Variants in TRPS1 observed in about 807,000 individuals in gnomAD.
TRPS1 encodes transcriptional repressor GATA binding 1.
Under a neutral mutation model 101.2 loss-of-function variants are expected in TRPS1, and 6 were observed. That is an observed-to-expected ratio of 0.06 (90% CI 0.03 to 0.12). The LOEUF (loss-of-function observed/expected upper bound fraction) is 0.12, where lower values mean the gene tolerates loss of function less well. Ranked by LOEUF, TRPS1 falls within the 10% of genes least tolerant of loss-of-function variation. The pLI, the probability that TRPS1 is intolerant of heterozygous loss-of-function variation, is 1.00. For missense variants in TRPS1, 1,363 were observed against 1,567.0 expected, an observed-to-expected ratio of 0.87 and a Z score of 2.20; for synonymous variants, 578 against 589.8, an observed-to-expected ratio of 0.98 and a Z score of 0.29.
At chr8:115,652,420 C>T (rs1478163826) in intron 1 of TRPS1, among the ~76,000 whole-genome samples, 1 of 152,176 alleles carries the variant, frequency 6.6e-6, no homozygotes, top group East Asian at 1.9e-4. Context: ...TGAAACAGAA[C>T]AAACTCCGTA....
chr8:115,467,506 T>C (rs1018112643), intron 5 of TRPS1, among the ~76,000 whole-genome samples: 3 of 152,182 alleles, frequency 2.0e-5, no homozygotes, highest in Non-Finnish European at 4.4e-5. Context: ...TGAACTTTTC[T>C]GTGATTTGAA....
chr8:115,418,440 AGCCTCTAC>A lies in TRPS1; in HGVS notation c.2705_2712del (p.Arg902LeufsTer46). 6.2e-7 allele frequency: 1 copy of A among 1,614,156 alleles called. No homozygotes were observed. The highest frequency in any genetic ancestry group is 8.5e-7 in the Non-Finnish European group (1 of 1,180,004). The stretch of plus-strand genomic sequence containing the variant: ...AGGCAATTGGCACAAAAAACACCGG[AGCCTCTAC>A]GCCTCTGAAACAGGGGAAAAAAACC... On this transcript the variant is annotated frameshift_variant, in exon 6 of 7. Coordinates refer to ENST00000395715, the MANE Select transcript of TRPS1 (RefSeq NM_014112.5). LOFTEE classifies it high-confidence loss of function. This position sits in a 1 kb window ranked among gnomAD's most constrained non-coding sequence, Gnocchi z 4.3.
At chr8:115,533,434 C>CTGTTTTT (rs1393313977) in intron 5 of TRPS1, among the ~76,000 whole-genome samples, 61 of 32,326 alleles carry the variant, frequency 1.9e-3, no homozygotes, top group African/African-American at 6.4e-3. Context: ...CACATGTAAT[C>CTGTTTTT]TGTTTTTTTT....
At position 115,408,507 on chromosome 8, in the gene TRPS1, T is replaced by C. The variant is rs1440656136; in HGVS notation, c.*5516A>G. The C allele has an allele frequency of 6.8e-6, 1 of 145,988 alleles. No homozygotes were observed. Among genetic ancestry groups the C allele is most frequent in the East Asian group, 2.1e-4 (1 of 4,706 alleles). 9.0% of individuals were successfully genotyped at this position (145,988 alleles called of 1,614,324 possible). A position where few individuals can be genotyped will look rare whatever the true frequency, so the allele number is the denominator to read the frequency against. ...TACCAACGCCGTTATGTGTAACTGG[T>C]GGTAAAACTTTATTATTCAAGTTTA... On this transcript the variant is annotated 3_prime_UTR_variant, in exon 7 of 7. Coordinates refer to ENST00000395715, the MANE Select transcript of TRPS1 (RefSeq NM_014112.5).
chr8:115,438,325 A>T (rs1216103631), intron 5 of TRPS1, among the ~76,000 whole-genome samples: 1 of 152,236 alleles, frequency 6.6e-6, no homozygotes, highest in Non-Finnish European at 1.5e-5. Context: ...AACTAGGCAC[A>T]CAATGGTAAA....
intron 4 of TRPS1, among the ~76,000 whole-genome samples, chr8:115,598,174 T>C (rs898403436): frequency 1.3e-5 from 2 of 152,346 alleles, no homozygotes; most frequent in African/African-American, 4.8e-5. Context: ...CTCTATAGTT[T>C]TGGAAGTTAT....
intron 5 of TRPS1, among the ~76,000 whole-genome samples, chr8:115,521,590 CTAA>C (rs1168295869): frequency 6.6e-6 from 1 of 151,760 alleles, no homozygotes; most frequent in African/African-American, 2.4e-5. Context: ...AATAATATCT[CTAA>C]TAATGAGTTC....
chr8:115,568,716 T>C (rs1018977557), intron 5 of TRPS1, among the ~76,000 whole-genome samples: 28 of 152,224 alleles, frequency 1.8e-4, no homozygotes, highest in African/African-American at 6.0e-4. Flanking sequence ...TAAACTTATA[T>C]AGAAATTTAA....
rs1243850537 is a variant in TRPS1, at chr8:115,586,287, G to A, written c.2700+714C>T. Among the ~76,000 whole-genome samples the A allele has an allele frequency of 5.3e-5, 8 of 152,282 alleles. No homozygotes were observed. In the East Asian group the frequency reaches 1.5e-3, roughly 29 times the overall value. On this transcript the variant is annotated intron_variant, in intron 5 of 6. Transcript: ENST00000395715. Reference sequence around the variant, plus strand: ...CTAAAATACTTTTTAACAATGCTGAGTCTACATAGTATGAAGAGAGCAATC... The same window carrying A: ...CTAAAATACTTTTTAACAATGCTGAATCTACATAGTATGAAGAGAGCAATC...
At chr8:115,468,168 A>T (rs1814374260) in intron 5 of TRPS1, among the ~76,000 whole-genome samples, 1 of 152,156 alleles carries the variant, frequency 6.6e-6, no homozygotes, top group Non-Finnish European at 1.5e-5. Flanking sequence ...TTTAATTCAT[A>T]TTTTTAAATA....
chr8:115,640,272 T>C (rs998956909), intron 1 of TRPS1, among the ~76,000 whole-genome samples: 4 of 152,176 alleles, frequency 2.6e-5, no homozygotes, highest in Non-Finnish European at 4.4e-5. Flanking sequence ...TCCATCTATA[T>C]GTTAATTGGT....
At chr8:115,434,526 C>T (rs1442526088) in intron 5 of TRPS1, among the ~76,000 whole-genome samples, 3 of 152,098 alleles carry the variant, frequency 2.0e-5, no homozygotes, top group Non-Finnish European at 2.9e-5. Flanking sequence ...ACTTAAGGTT[C>T]ATAAAATTGA....
At chr8:115,521,987 CAAT>C (rs1324230452) in intron 5 of TRPS1, among the ~76,000 whole-genome samples, 5 of 151,864 alleles carry the variant, frequency 3.3e-5, no homozygotes, top group African/African-American at 7.2e-5. Context: ...CTGCTAACAA[CAAT>C]GTCGAGCACT....
At chr8:115,453,172 C>A (rs528735194) in intron 5 of TRPS1, among the ~76,000 whole-genome samples, 1 of 152,186 alleles carries the variant, frequency 6.6e-6, no homozygotes, top group African/African-American at 2.4e-5. Context: ...AGATGCCCAC[C>A]ACCACATCCA....
intron 5 of TRPS1, among the ~76,000 whole-genome samples, chr8:115,581,322 G>T (rs1302935390): frequency 6.6e-6 from 1 of 152,096 alleles, no homozygotes; most frequent in Non-Finnish European, 1.5e-5. Context: ...TAGACGGGAG[G>T]AGTAAGTTTC....
chr8:115,626,338 T>G (rs970301756), intron 1 of TRPS1, among the ~76,000 whole-genome samples: 4 of 150,938 alleles, frequency 2.7e-5, no homozygotes, highest in African/African-American at 4.9e-5. Flanking sequence ...CAGATCAAAA[T>G]CAGATTGCTT....
At chr8:115,583,324 T>C (rs1817492351) in intron 5 of TRPS1, among the ~76,000 whole-genome samples, 1 of 152,082 alleles carries the variant, frequency 6.6e-6, no homozygotes, top group Non-Finnish European at 1.5e-5. Context: ...CTGACTATAC[T>C]ATACTACTTA....
intron 5 of TRPS1, among the ~76,000 whole-genome samples, chr8:115,546,178 T>C (rs896176658): frequency 1.3e-5 from 2 of 151,666 alleles, no homozygotes; most frequent in African/African-American, 4.8e-5. Flanking sequence ...TTGAAATGAA[T>C]ATATATATTT....
chr8:115,657,039 C>T (rs1011620539), intron 1 of TRPS1, among the ~76,000 whole-genome samples: 1 of 152,062 alleles, frequency 6.6e-6, no homozygotes, highest in African/African-American at 2.4e-5. Flanking sequence ...ATAATGGAAG[C>T]ATATTTCGTT....
Sources: gnomAD v4.1 joint callset for allele counts (sites outside exome capture counted in the v4.1 genomes callset) on GRCh38, gnomAD v4.1.1 for gene constraint, Gnocchi (gnomAD v3.1) non-coding constraint, MANE v1.5 for transcripts, NCBI Gene and HGNC (gene_info 2026-07-23, HGNC 2026-07-21) for gene names.